The following WASF2 variants were observed in gnomAD, a reference collection of about 807,000 sequenced individuals.
WASF2 encodes the protein actin-binding protein WASF2.
A neutral mutation model predicts 45.0 loss-of-function variants in WASF2; 14 were observed. That is an observed-to-expected ratio of 0.31 (90% CI 0.21 to 0.49). The LOEUF is 0.49. Among genes scored for constraint, WASF2 ranks in the 20% least tolerant of loss-of-function variants. WASF2 has a pLI of 0.99. For synonymous variants in WASF2, 200 were observed against 236.3 expected (o/e 0.85, Z 1.41); for missense variants, 439 against 636.1 (o/e 0.69, Z 3.33).
chr1:27,472,949 G>C (rs1177251161), intron 1 of WASF2, among the ~76,000 whole-genome samples: 6 of 141,952 alleles, frequency 4.2e-5, no homozygotes, highest in African/African-American at 1.6e-4. Context: ...TCCAGCCTGG[G>C]AGACACAGCA....
rs2016737711 is a variant in WASF2 at position 27,409,915 on chromosome 1, T to C, written c.1116A>G (p.Ala372=). 1 of 1,593,154 alleles carries C rather than the reference T, an allele frequency of 6.3e-7. No individual in the cohort carries two copies. The highest frequency in any genetic ancestry group is 1.3e-5 in the African/African-American group (1 of 74,538). Residue 372 remains alanine, a synonymous_variant, in exon 8 of 9, where the codon GCA becomes GCG. Transcript: ENST00000618852. Reference sequence around the variant, plus strand: ...GTGGTGGCAGAGTTGGGTAGTCAGCTGCTGGTGGTGGAGGAGGAGGTGGAG... The same window carrying C: ...GTGGTGGCAGAGTTGGGTAGTCAGCCGCTGGTGGTGGAGGAGGAGGTGGAG... ...AAPPPPPPPP[A]ADYPTLPPPP... is the part of the protein sequence containing the mutation.
intron 1 of WASF2, among the ~76,000 whole-genome samples, chr1:27,483,434 G>T (rs958695443): frequency 6.6e-6 from 1 of 151,952 alleles, no homozygotes; most frequent in Non-Finnish European, 1.5e-5. Context: ...CCATGCCATT[G>T]TTCTAGCCTG....
At chr1:27,443,474 G>A (rs182462516) in intron 1 of WASF2, among the ~76,000 whole-genome samples, 44 of 151,942 alleles carry the variant, frequency 2.9e-4, no homozygotes, top group African/African-American at 9.7e-4. Flanking sequence ...CTAGCTGGGC[G>A]TGGTGGCAGG....
At chr1:27,441,753 CAAAAAAA>C (rs35347075) in intron 1 of WASF2, among the ~76,000 whole-genome samples, 3 of 51,672 alleles carry the variant, frequency 5.8e-5, no homozygotes, top group East Asian at 5.4e-4. Flanking sequence ...GACTCCGTCT[CAAAAAAA>C]AAAAAAAAAA....
intron 1 of WASF2, among the ~76,000 whole-genome samples, chr1:27,448,901 T>C (rs1013398164): frequency 4.0e-5 from 6 of 150,252 alleles, no homozygotes; most frequent in African/African-American, 7.4e-5. Context: ...TTCGGTTTCA[T>C]CTCCTGTCAC....
In WASF2 at chr1:27,405,012, G is replaced by C. The variant is rs1405878950; in HGVS notation, c.*3177C>G. ...AGTCAGGTGAGGGGCCGCAGTGGGA[G>C]GCAGTCCTAGAGCAGAGCTGGGACA... On this transcript the variant is annotated 3_prime_UTR_variant, in exon 9 of 9. Coordinates refer to ENST00000618852, the MANE Select transcript of WASF2 (RefSeq NM_006990.5). 1 of 154,756 alleles carries C rather than the reference G, an allele frequency of 6.5e-6. No individual in the cohort carries two copies. The highest frequency in any genetic ancestry group is 2.4e-5 in the African/African-American group (1 of 41,510). 9.6% of individuals were successfully genotyped at this position (154,756 alleles called of 1,614,324 possible).
intron 1 of WASF2, among the ~76,000 whole-genome samples, chr1:27,465,853 A>G (rs959935775): frequency 6.6e-6 from 1 of 152,194 alleles, no homozygotes; most frequent in Admixed American, 6.5e-5. Flanking sequence ...AATGTACAAG[A>G]TGAGTTGGGA....
At chr1:27,469,558 T>C (rs576818882) in intron 1 of WASF2, among the ~76,000 whole-genome samples, 12 of 152,144 alleles carry the variant, frequency 7.9e-5, no homozygotes, top group Non-Finnish European at 1.6e-4. Flanking sequence ...TTGTAGAAGA[T>C]GCACAGAAAT....
At chr1:27,467,237 AACAC>A (rs949862642) in intron 1 of WASF2, among the ~76,000 whole-genome samples, 1 of 148,298 alleles carries the variant, frequency 6.7e-6, no homozygotes. Context: ...AAAAAACCAA[AACAC>A]ACACACACAC....
At chr1:27,434,735 C>T (rs1024339007) in intron 1 of WASF2, among the ~76,000 whole-genome samples, 1 of 152,178 alleles carries the variant, frequency 6.6e-6, no homozygotes, top group East Asian at 1.9e-4. Flanking sequence ...GTAACCCCAT[C>T]TTCATCTGTA....
At chr1:27,409,196 G>T (rs553197500) in intron 8 of WASF2, among the ~76,000 whole-genome samples, 2 of 151,738 alleles carry the variant, frequency 1.3e-5, no homozygotes, top group Non-Finnish European at 2.9e-5. Context: ...AGGCCGAGGC[G>T]GGCGGATCAC....
intron 5 of WASF2, 53 bp downstream of exon 5, chr1:27,415,932 C>T (rs762432592): frequency 3.5e-6 from 5 of 1,443,934 alleles, no homozygotes; most frequent in Non-Finnish European, 4.8e-6. Flanking sequence ...CTTTTTATCC[C>T]CCTCCACAAT....
At position 27,414,491 on chromosome 1, in the gene WASF2, T is replaced by C. The variant is rs1399970631; in HGVS notation, c.668+342A>G. Among the ~76,000 whole-genome samples the C allele has an allele frequency of 1.3e-5, 2 of 152,132 alleles. No individual in the cohort carries two copies. Among genetic ancestry groups the C allele is most frequent in the African/African-American group, 4.8e-5 (2 of 41,416 alleles). ...TTCTTAGGCATGACCTTCAAATCAA[T>C]GCTCTGGAGGCAAAGGATTCCCAAG... On this transcript the variant is annotated intron_variant, in intron 6 of 8. Coordinates refer to ENST00000618852, the MANE Select transcript of WASF2 (RefSeq NM_006990.5). The surrounding 1 kb of genome is among the most constrained non-coding windows in gnomAD (Gnocchi z 4.1).
rs112637669 is a variant in WASF2, at chr1:27,467,240, A to C, written c.-44+22746T>G. The stretch of plus-strand genomic sequence containing the variant: ...CAAAAAAAAAAAAAAAAACCAAAAC[A>C]CACACACACACACACAAAGAAAAAA... On this transcript the variant is annotated intron_variant, in intron 1 of 8. Coordinates refer to ENST00000618852, the MANE Select transcript of WASF2 (RefSeq NM_006990.5). Among the ~76,000 whole-genome samples, 791 of 147,694 alleles carry C rather than the reference A, an allele frequency of 5.4e-3. 5 individuals are homozygous for C. The highest frequency in any genetic ancestry group is 0.017 in the African/African-American group (706 of 40,394).
chr1:27,483,469 C>T (rs528488790), intron 1 of WASF2, among the ~76,000 whole-genome samples: 2 of 151,928 alleles, frequency 1.3e-5, no homozygotes, highest in East Asian at 1.9e-4. Context: ...AACTCTGTCT[C>T]GGAAAACAAA....
At chr1:27,487,446 TATAA>T (rs1445517196) in intron 1 of WASF2, among the ~76,000 whole-genome samples, 25 of 121,192 alleles carry the variant, frequency 2.1e-4, no homozygotes, top group Non-Finnish European at 2.9e-4. Flanking sequence ...TATATACAAA[TATAA>T]ATATATATTT....
chr1:27,446,422 C>T (rs917938014), intron 1 of WASF2, among the ~76,000 whole-genome samples: 1 of 152,080 alleles, frequency 6.6e-6, no homozygotes, highest in Admixed American at 6.6e-5. Flanking sequence ...TTTAGTGGGA[C>T]AAGAAGCCTA....
In WASF2 at chr1:27,414,942, T is replaced by C. The variant is rs773714982; in HGVS notation, c.559A>G (p.Asn187Asp). The C allele has an allele frequency of 6.2e-7, 1 of 1,614,176 alleles. No homozygotes were observed. Among genetic ancestry groups the C allele is most frequent in the South Asian group, 1.1e-5 (1 of 91,078 alleles). ...TTACGTGGGTTTACATTCCCTCGAT[T>C]TGGATTATCTTTCTTTTCTTTCTAT... is the stretch of plus-strand genomic sequence containing the variant. Reference protein sequence around the residue: ...KHRKEKKDNPNRGNVNPRKIK... With the variant: ...KHRKEKKDNPDRGNVNPRKIK... Residue 187 changes from asparagine (N) to aspartate (D), a missense_variant, in exon 6 of 9, where the codon AAT (asparagine) becomes GAT (aspartate). This residue lies in a region of WASF2 where 23 missense variants were observed against 69.7 expected (regional missense o/e 0.33). Coordinates refer to ENST00000618852, the MANE Select transcript of WASF2 (RefSeq NM_006990.5). The surrounding 1 kb of genome is among the most constrained non-coding windows in gnomAD (Gnocchi z 4.1).
intron 1 of WASF2, among the ~76,000 whole-genome samples, chr1:27,441,924 C>CA (rs1223064988): frequency 0.055 from 3,657 of 66,178 alleles, 135 homozygotes; most frequent in African/African-American, 0.12. Context: ...GACTCCATCT[C>CA]AAAAAAAAAA....
Sources: allele counts gnomAD v4.1 joint callset (sites outside exome capture counted in the v4.1 genomes callset), GRCh38; gene constraint gnomAD v4.1.1; regional missense constraint gnomAD v4.1.1; non-coding constraint Gnocchi (gnomAD v3.1); transcripts MANE v1.5; gene names NCBI Gene and HGNC (gene_info 2026-07-23, HGNC 2026-07-21).